CHODL: variants seen among roughly 807,000 people sequenced by gnomAD.
CHODL encodes chondrolectin.
Under a neutral mutation model 34.5 loss-of-function variants are expected in CHODL, and 29 were observed. The ratio of observed to expected loss-of-function variants is 0.84; its 90% confidence interval spans 0.63 to 1.15. The LOEUF is 1.15. Among genes scored for constraint, CHODL ranks in the 50% most tolerant of loss-of-function variants. The probability of loss-of-function intolerance (pLI) is 0.00; values close to 1 mark genes in which losing one functional copy is unlikely to be tolerated. For missense variants in CHODL, 332 were observed against 332.5 expected (o/e 1.00, Z 0.01); for synonymous variants, 125 against 116.1 (o/e 1.08, Z -0.49).
chr21:17,918,773 T>TA (rs749649497), intron 1 of CHODL, among the ~76,000 whole-genome samples: 1 of 152,182 alleles, frequency 6.6e-6, no homozygotes, highest in Non-Finnish European at 1.5e-5. Context: ...TCCTAAGTCT[T>TA]ATCTGCGGTA....
chr21:18,012,374 T>G (rs1329243274), intron 1 of CHODL, among the ~76,000 whole-genome samples: 1 of 152,252 alleles, frequency 6.6e-6, no homozygotes, highest in Non-Finnish European at 1.5e-5. Context: ...CAAGAGCCTC[T>G]GACTTTGTCT....
At chr21:18,070,862 T>C (rs1444392356) in intron 2 of CHODL, among the ~76,000 whole-genome samples, 1 of 152,040 alleles carries the variant, frequency 6.6e-6, no homozygotes, top group Non-Finnish European at 1.5e-5. Flanking sequence ...ACTTGGGTGC[T>C]ATAACCAAAA....
chr21:18,251,827 A>T (rs900782154), intron 1 of CHODL, among the ~76,000 whole-genome samples: 3 of 148,488 alleles, frequency 2.0e-5, no homozygotes, highest in Non-Finnish European at 4.5e-5. Context: ...ATATTCTATA[A>T]AATATTTCTG....
chr21:17,981,204 G>A (rs981393388), intron 1 of CHODL, among the ~76,000 whole-genome samples: 2 of 152,158 alleles, frequency 1.3e-5, no homozygotes, highest in African/African-American at 2.4e-5. Context: ...TAGAGCCCCA[G>A]CTTCATGAGC....
intron 2 of CHODL, among the ~76,000 whole-genome samples, chr21:18,177,658 C>G (rs1211351734): frequency 6.6e-6 from 1 of 151,964 alleles, no homozygotes; most frequent in Non-Finnish European, 1.5e-5. Flanking sequence ...CAAAATCGTA[C>G]CAGTCTAGTC....
chr21:17,918,630 G>A (rs776331973), intron 1 of CHODL, among the ~76,000 whole-genome samples: 61 of 152,106 alleles, frequency 4.0e-4, no homozygotes, highest in African/African-American at 1.5e-3. Context: ...TATGGGTGGG[G>A]ACACAGACAA....
chr21:18,014,960 G>T (rs962938240), intron 1 of CHODL, among the ~76,000 whole-genome samples: 2 of 152,204 alleles, frequency 1.3e-5, no homozygotes, highest in Admixed American at 1.3e-4. Context: ...AACAACTTTG[G>T]AACTGGGTAA....
intron 2 of CHODL, among the ~76,000 whole-genome samples, chr21:18,200,135 A>G (rs1254803012): frequency 6.6e-6 from 1 of 150,942 alleles, no homozygotes; most frequent in African/African-American, 2.4e-5. Flanking sequence ...TTTTTTTTTT[A>G]TTTCAGCCAT....
At chr21:18,262,063 G>T (rs1265269239) in intron 4 of CHODL, among the ~76,000 whole-genome samples, 8 of 151,948 alleles carry the variant, frequency 5.3e-5, no homozygotes, top group Admixed American at 1.3e-4. Flanking sequence ...TGTAAGTAAT[G>T]ATTGAGAAGG....
intron 1 of CHODL, among the ~76,000 whole-genome samples, chr21:18,006,417 G>A (rs758839817): frequency 6.6e-6 from 1 of 151,904 alleles, no homozygotes; most frequent in South Asian, 2.1e-4. Flanking sequence ...ACCCCAGATG[G>A]AAACTAACAA....
chr21:17,934,138 T>C (rs2146323264), intron 1 of CHODL, among the ~76,000 whole-genome samples: 1 of 152,018 alleles, frequency 6.6e-6, no homozygotes, highest in African/African-American at 2.4e-5. Flanking sequence ...CAATGTTCAC[T>C]GATTAGGTAA....
chr21:18,118,994 AT>A (rs2065446585), intron 2 of CHODL, among the ~76,000 whole-genome samples: 1 of 152,280 alleles, frequency 6.6e-6, no homozygotes, highest in South Asian at 2.1e-4. Context: ...GTTTTAACTC[AT>A]AAATCTCTTT....
intron 1 of CHODL, among the ~76,000 whole-genome samples, chr21:18,017,792 T>G (rs1280372989): frequency 6.6e-6 from 1 of 152,180 alleles, no homozygotes; most frequent in Non-Finnish European, 1.5e-5. Context: ...CCCAGAATGA[T>G]AGATCTACTC....
chr21:18,262,847 A>T lies in CHODL; in HGVS notation c.691A>T (p.Ile231Leu), dbSNP rs142087135. Residue 231 changes from isoleucine (I) to leucine (L), a missense_variant, in exon 5 of 6, where the codon ATA becomes TTA. By Grantham distance (5) the Ile-to-Leu change is conservative. Transcript: ENST00000299295. ...ACCAACAATACCCCTGCTCTTACTG[A>T]TACTGGTTGCTTTTGGAACCTGTTG... ...VIPTIPLLLL[I>L]LVAFGTCCFQ... is the part of the protein sequence containing the mutation. 118 of 1,611,260 alleles carry T rather than the reference A, an allele frequency of 7.3e-5. No individual in the cohort carries two copies. The African/African-American group carries it at 1.3e-3, about 18-fold the overall frequency.
chr21:18,249,628 G>T lies in CHODL; in HGVS notation c.79+4326G>T, dbSNP rs576193310. On this transcript the variant is annotated intron_variant, in intron 1 of 5. Transcript: ENST00000299295. The stretch of plus-strand genomic sequence containing the variant: ...GTGTTTGTGTTCATCAATCCCTTTT[G>T]TTCATGAAATATTTCACCTTTATAT... Among the ~76,000 whole-genome samples, 7 of 152,134 alleles carry T rather than the reference G, an allele frequency of 4.6e-5. No homozygotes were observed. The South Asian group carries it at 1.0e-3, about 23-fold the overall frequency.
chr21:18,248,873 A>G (rs1359330043), intron 1 of CHODL, among the ~76,000 whole-genome samples: 1 of 119,972 alleles, frequency 8.3e-6, no homozygotes, highest in Non-Finnish European at 1.6e-5. Flanking sequence ...ATGTGTATAT[A>G]TATGTATTGT....
At chr21:18,148,791 G>A (rs1340908002) in intron 2 of CHODL, among the ~76,000 whole-genome samples, 1 of 151,004 alleles carries the variant, frequency 6.6e-6, no homozygotes, top group Admixed American at 6.6e-5. Context: ...TAACCCAGAA[G>A]TATATTTGTC....
chr21:18,085,548 G>C (rs2064995633), intron 2 of CHODL, among the ~76,000 whole-genome samples: 1 of 152,056 alleles, frequency 6.6e-6, no homozygotes, highest in Non-Finnish European at 1.5e-5. Context: ...TCTAGGTCTG[G>C]TCTAGTGCTG....
At chr21:18,013,840 G>C (rs2064044859) in intron 1 of CHODL, among the ~76,000 whole-genome samples, 1 of 151,530 alleles carries the variant, frequency 6.6e-6, no homozygotes, top group Admixed American at 6.6e-5. Context: ...TCACCATATT[G>C]GTCAGGCTGG....
Sources: gnomAD v4.1 joint callset for allele counts (sites outside exome capture counted in the v4.1 genomes callset) on GRCh38, gnomAD v4.1.1 for gene constraint, MANE v1.5 for transcripts, NCBI Gene and HGNC (gene_info 2026-07-23, HGNC 2026-07-21) for gene names.